Variants in RAB27A observed in about 807,000 individuals in gnomAD.
The protein encoded by RAB27A is ras-related protein Rab-27A.
RAB27A carries 17 observed loss-of-function variants against 20.8 expected under a neutral mutation model. That is an observed-to-expected ratio of 0.82 (90% CI 0.56 to 1.23). The LOEUF is 1.23. Ranked by LOEUF, RAB27A falls within the 50% of genes most tolerant of loss-of-function variation. The pLI is 0.00. For missense variants in RAB27A, 277 were observed against 266.7 expected, an observed-to-expected ratio of 1.04 and a Z score of -0.27; for synonymous variants, 85 against 92.8, an observed-to-expected ratio of 0.92 and a Z score of 0.48.
chr15:55,287,200 G>A (rs1397784999), intron 1 of RAB27A, among the ~76,000 whole-genome samples: 2 of 151,450 alleles, frequency 1.3e-5, no homozygotes, highest in African/African-American at 2.4e-5. Context: ...GATTACAGGC[G>A]TGAGCCACCG....
intron 2 of RAB27A, among the ~76,000 whole-genome samples, chr15:55,264,302 C>T (rs752789985): frequency 6.6e-6 from 1 of 152,190 alleles, no homozygotes; most frequent in Non-Finnish European, 1.5e-5. Context: ...CAGCCGGCCT[C>T]GGCCTCCCAA....
intron 2 of RAB27A, among the ~76,000 whole-genome samples, chr15:55,257,984 T>C (rs554306200): frequency 4.0e-5 from 6 of 151,334 alleles, no homozygotes; most frequent in African/African-American, 1.5e-4. Flanking sequence ...CGAGAATTGC[T>C]TGAACCTGGG....
chr15:55,235,824 C>G (rs1038710962), intron 2 of RAB27A, among the ~76,000 whole-genome samples: 9 of 152,048 alleles, frequency 5.9e-5, no homozygotes, highest in African/African-American at 2.2e-4. Flanking sequence ...CGGAATACTA[C>G]TCAGCCACAA....
intron 6 of RAB27A, among the ~76,000 whole-genome samples, chr15:55,207,290 G>A (rs1894698528): frequency 6.6e-6 from 1 of 152,158 alleles, no homozygotes; most frequent in Non-Finnish European, 1.5e-5. Flanking sequence ...CAGCACTCCT[G>A]GGTATACATC....
intron 2 of RAB27A, among the ~76,000 whole-genome samples, chr15:55,296,901 C>G (rs1358768310): frequency 6.6e-6 from 1 of 151,956 alleles, no homozygotes. Context: ...TGGATAGGTG[C>G]AGGAGGGTTC....
At chr15:55,261,280 C>T (rs1298420984) in intron 2 of RAB27A, among the ~76,000 whole-genome samples, 6 of 151,490 alleles carry the variant, frequency 4.0e-5, no homozygotes, top group African/African-American at 1.5e-4. Flanking sequence ...ACCTGTAATC[C>T]CAGCTACTCA....
intron 2 of RAB27A, among the ~76,000 whole-genome samples, chr15:55,252,794 G>C (rs994570990): frequency 6.6e-6 from 1 of 152,122 alleles, no homozygotes; most frequent in African/African-American, 2.4e-5. Flanking sequence ...CTAAGTTACA[G>C]CAATTTATTC....
Position 55,205,437 on chromosome 15 carries a change from G to A in RAB27A, c.*70C>T. ...ACAATGCCCATTAATCTCTCACTGTGCCATGTATCAATCATAGAGAAGATC... is the reference window on the plus strand; with the variant it reads ...ACAATGCCCATTAATCTCTCACTGTACCATGTATCAATCATAGAGAAGATC... On this transcript the variant is annotated 3_prime_UTR_variant, in exon 7 of 7. Transcript: ENST00000336787. 1 of 1,472,178 alleles carries A rather than the reference G, an allele frequency of 6.8e-7. No individual in the cohort carries two copies. The highest frequency in any genetic ancestry group is 1.1e-5 in the South Asian group (1 of 87,984). The allele number at this position is 1,472,178 out of a possible 1,614,324, so 91.2% of individuals were successfully genotyped here.
At chr15:55,257,814 A>G (rs113827625) in intron 2 of RAB27A, among the ~76,000 whole-genome samples, 2,170 of 152,248 alleles carry the variant, frequency 0.014, 61 homozygotes, top group African/African-American at 0.05. Flanking sequence ...CCAACGTGGT[A>G]AAACCCTGTC....
chr15:55,275,273 CA>C lies in RAB27A; in HGVS notation c.-142-4990del, dbSNP rs1010105840. ...TCTAACAACAACAAAAAAAAAAAGA[CA>C]AAAAAAAGTGGGATTACATCAAACT... On this transcript the variant is annotated intron_variant, in intron 1 of 6. Transcript: ENST00000336787. 1.4e-4 allele frequency among the ~76,000 whole-genome samples: 21 copies of C among 149,010 alleles called. No individual in the cohort carries two copies. The South Asian group carries it at 1.5e-3, about 11-fold the overall frequency.
intron 2 of RAB27A, among the ~76,000 whole-genome samples, chr15:55,251,637 G>C (rs914314246): frequency 2.0e-5 from 3 of 152,026 alleles, no homozygotes; most frequent in Admixed American, 1.3e-4. Context: ...ATGAAATGTT[G>C]GTATAGCAAC....
intron 2 of RAB27A, among the ~76,000 whole-genome samples, chr15:55,313,043 A>C (rs185283882): frequency 5.3e-5 from 8 of 152,318 alleles, no homozygotes; most frequent in Admixed American, 5.2e-4. Flanking sequence ...TCCAGTCTAG[A>C]GCTAAGCAAA....
At chr15:55,217,848 T>G (rs1274880339) in intron 6 of RAB27A, among the ~76,000 whole-genome samples, 1 of 152,042 alleles carries the variant, frequency 6.6e-6, no homozygotes, top group Non-Finnish European at 1.5e-5. Flanking sequence ...AGTCTGTAAG[T>G]GGCCACTTAA....
chr15:55,314,015 T>TAAAC (rs1244785428), intron 2 of RAB27A: 4,012 of 149,592 alleles, frequency 0.027, 262 homozygotes, highest in African/African-American at 0.088. Context: ...AATAAATAAA[T>TAAAC]AAACCGGGTG....
intron 2 of RAB27A, chr15:55,238,622 T>C (rs919844256): frequency 6.6e-6 from 1 of 152,196 alleles, no homozygotes; most frequent in African/African-American, 2.4e-5. Flanking sequence ...ATTCTCCCCA[T>C]TGTGGACGTT....
chr15:55,217,940 TTAAG>T (rs1895392168), intron 6 of RAB27A, among the ~76,000 whole-genome samples: 1 of 152,086 alleles, frequency 6.6e-6, no homozygotes. Context: ...AATAAAAAAT[TTAAG>T]TAAACAGATT....
chr15:55,263,489 A>G (rs374871373), intron 2 of RAB27A, among the ~76,000 whole-genome samples: 27 of 152,234 alleles, frequency 1.8e-4, no homozygotes, highest in East Asian at 5.8e-4. Flanking sequence ...TGCATTAGCT[A>G]TCATCCGAAT....
intron 1 of RAB27A, among the ~76,000 whole-genome samples, chr15:55,288,608 AAGGG>A (rs770812932): frequency 1.1e-4 from 17 of 152,146 alleles, no homozygotes; most frequent in Non-Finnish European, 2.2e-4. Flanking sequence ...AGGAAGAAAA[AAGGG>A]AGGGAGGGAG....
chr15:55,282,481 T>C (rs1300451649), intron 1 of RAB27A, among the ~76,000 whole-genome samples: 2 of 152,188 alleles, frequency 1.3e-5, no homozygotes, highest in Admixed American at 6.5e-5. Flanking sequence ...GGTGAGGTTT[T>C]TTGTTACAGA....
Sources: gnomAD v4.1 joint callset for allele counts (sites outside exome capture counted in the v4.1 genomes callset) on GRCh38, gnomAD v4.1.1 for gene constraint, MANE v1.5 for transcripts, NCBI Gene and HGNC (gene_info 2026-07-23, HGNC 2026-07-21) for gene names.